The following DOP1B variants were observed in gnomAD, a reference collection of about 807,000 sequenced individuals.
The protein encoded by DOP1B is DOP1 leucine zipper like protein B.
Under a neutral mutation model 233.5 loss-of-function variants are expected in DOP1B, and 174 were observed. That is an observed-to-expected ratio of 0.75 (90% CI 0.66 to 0.85). The LOEUF is 0.85. Among genes scored for constraint, DOP1B ranks in the 40% least tolerant of loss-of-function variants. The pLI, the probability that DOP1B is intolerant of heterozygous loss-of-function variation, is 0.00. For synonymous variants in DOP1B, 1,190 were observed against 1,185.6 expected (o/e 1.00, Z -0.08); for missense variants, 2,652 against 2,846.6 (o/e 0.93, Z 1.56).
Position 36,245,595 on chromosome 21 carries a change from C to T in DOP1B, c.3615C>T (p.Leu1205=), listed in dbSNP as rs200377583. The change falls in exon 19 of 37, where the codon CTC becomes CTT. Residue 1205 remains leucine (L), a synonymous_variant. Transcript: ENST00000691173. This position sits in a 1 kb window ranked among gnomAD's most constrained non-coding sequence, Gnocchi z 5.5. ...DEEADLELQA[L]TTSRLLKQQR... is the part of the protein sequence containing the mutation. The stretch of plus-strand genomic sequence containing the variant: ...AGGCGGACTTGGAGCTCCAGGCCCT[C>T]ACCACATCCAGGCTGCTAAAGCAGC... The T allele has an allele frequency of 9.9e-6, 16 of 1,613,432 alleles. No individual in the cohort carries two copies. Among genetic ancestry groups the T allele is most frequent in the South Asian group, 6.6e-5 (6 of 91,086 alleles).
chr21:36,200,206 A>C, intron 3 of DOP1B, 125 bp from the exon 4 acceptor site: 1 of 1,287,826 alleles, frequency 7.8e-7, no homozygotes, highest in Non-Finnish European at 1.1e-6. Flanking sequence ...ATACCCACAC[A>C]TCGAAACCAG....
intron 4 of DOP1B, among the ~76,000 whole-genome samples, chr21:36,205,393 T>C (rs1158167522): frequency 6.6e-6 from 1 of 151,960 alleles, no homozygotes; most frequent in Non-Finnish European, 1.5e-5. Context: ...TTGTTTGTTT[T>C]TGTTTTGTTT....
chr21:36,178,532 A>T (rs1474640031), intron 2 of DOP1B, among the ~76,000 whole-genome samples: 2 of 152,092 alleles, frequency 1.3e-5, no homozygotes, highest in Non-Finnish European at 2.9e-5. Context: ...AGCCAGGAAG[A>T]GAGCTGAAAC....
At chr21:36,223,176 T>C in intron 10 of DOP1B, 55 bp from the exon 11 acceptor site, 1 of 1,527,254 alleles carries the variant, frequency 6.5e-7, no homozygotes, top group Non-Finnish European at 8.8e-7. Context: ...TGGACACTTT[T>C]TGTAATTCAG....
chr21:36,289,722 A>G (rs1309276136), intron 35 of DOP1B, among the ~76,000 whole-genome samples: 1 of 152,212 alleles, frequency 6.6e-6, no homozygotes, highest in Non-Finnish European at 1.5e-5. Flanking sequence ...GAGAGTAATC[A>G]TATAGAAATG....
chr21:36,220,596 G>A (rs2066612877), intron 10 of DOP1B, among the ~76,000 whole-genome samples: 1 of 152,004 alleles, frequency 6.6e-6, no homozygotes, highest in Non-Finnish European at 1.5e-5. Flanking sequence ...AGTCTCCTGG[G>A]CTCAAGCGAT....
intron 2 of DOP1B, among the ~76,000 whole-genome samples, chr21:36,176,968 G>A (rs1004976895): frequency 7.9e-5 from 12 of 152,060 alleles, no homozygotes; most frequent in Admixed American, 3.3e-4. Flanking sequence ...ACAGGCATGC[G>A]CCACCACACC....
intron 26 of DOP1B, among the ~76,000 whole-genome samples, chr21:36,269,664 C>T (rs533417788): frequency 3.8e-4 from 58 of 151,962 alleles, no homozygotes; most frequent in Non-Finnish European, 6.8e-4. Flanking sequence ...GGACTACAGG[C>T]ATGTGCCATC....
intron 33 of DOP1B, among the ~76,000 whole-genome samples, chr21:36,288,417 G>T (rs2067513805): frequency 6.6e-6 from 1 of 152,040 alleles, no homozygotes; most frequent in Non-Finnish European, 1.5e-5. Context: ...TTTGGGCTGG[G>T]CGTGGTAGCT....
At chr21:36,185,025 A>G (rs1045490042) in intron 2 of DOP1B, among the ~76,000 whole-genome samples, 5 of 152,192 alleles carry the variant, frequency 3.3e-5, no homozygotes, top group Admixed American at 1.3e-4. Flanking sequence ...GATTTGTAGT[A>G]AGACTGTGTC....
intron 1 of DOP1B, among the ~76,000 whole-genome samples, chr21:36,158,499 T>C (rs2123375690): frequency 6.6e-6 from 1 of 152,286 alleles, no homozygotes; most frequent in African/African-American, 2.4e-5. Context: ...ACAGGACTCG[T>C]GTATTGCAGT....
intron 4 of DOP1B, among the ~76,000 whole-genome samples, chr21:36,205,815 G>C (rs2066419869): frequency 6.6e-6 from 1 of 151,802 alleles, no homozygotes; most frequent in Admixed American, 6.6e-5. Flanking sequence ...GACCAGCTTG[G>C]CCAACATGGT....
At chr21:36,201,416 C>T (rs1358027618) in intron 4 of DOP1B, among the ~76,000 whole-genome samples, 5 of 135,874 alleles carry the variant, frequency 3.7e-5, no homozygotes, top group Middle Eastern at 9.2e-3. Context: ...GGTGCGATCT[C>T]GGCTCACTAC....
intron 15 of DOP1B, among the ~76,000 whole-genome samples, chr21:36,235,497 G>C (rs1271036538): frequency 1.3e-5 from 2 of 151,988 alleles, no homozygotes; most frequent in Admixed American, 6.6e-5. Flanking sequence ...GAGGCTGAGG[G>C]CTGCTTGCTT....
intron 4 of DOP1B, among the ~76,000 whole-genome samples, chr21:36,202,071 C>T (rs1029768226): frequency 5.3e-5 from 8 of 152,040 alleles, no homozygotes; most frequent in Non-Finnish European, 1.5e-5. Context: ...CCTGTAATCC[C>T]AGCTACTTGG....
At chr21:36,244,997 A>G (rs762462409) in intron 18 of DOP1B, 51 bp from the exon 19 acceptor site, 1 of 1,534,688 alleles carries the variant, frequency 6.5e-7, no homozygotes, top group East Asian at 2.3e-5. Flanking sequence ...CAGCTAATGT[A>G]TCATAGCTGA....
intron 2 of DOP1B, among the ~76,000 whole-genome samples, chr21:36,195,245 G>A (rs1457681711): frequency 6.6e-6 from 1 of 151,934 alleles, no homozygotes; most frequent in East Asian, 1.9e-4. Flanking sequence ...GGAGGCTGAG[G>A]TGGGAGAATC....
At chr21:36,247,196 A>G (rs900281799) in intron 19 of DOP1B, among the ~76,000 whole-genome samples, 1 of 152,066 alleles carries the variant, frequency 6.6e-6, no homozygotes, top group African/African-American at 2.4e-5. Context: ...TTTATTTCAA[A>G]TCCGCACAGG....
Position 36,182,101 on chromosome 21 carries a change from A to T in DOP1B, c.139-16969A>T, listed in dbSNP as rs867535401. ...CTTAGGCTAGATTTTCCCAATGCCT[A>T]GGATGTGCCTGGGAAGCAAATATGT... On this transcript the variant is annotated intron_variant, in intron 2 of 36. Coordinates refer to ENST00000691173, the MANE Select transcript of DOP1B (RefSeq NM_001320714.2). Among the ~76,000 whole-genome samples the T allele has an allele frequency of 9.2e-5, 14 of 152,296 alleles. 1 individual carries two copies. The South Asian group carries it at 2.9e-3, about 32-fold the overall frequency.
Sources: gnomAD v4.1 joint callset for allele counts (sites outside exome capture counted in the v4.1 genomes callset) on GRCh38, gnomAD v4.1.1 for gene constraint, Gnocchi (gnomAD v3.1) non-coding constraint, MANE v1.5 for transcripts, NCBI Gene and HGNC (gene_info 2026-07-23, HGNC 2026-07-21) for gene names.